Variants in RETREG1 observed in about 807,000 individuals in gnomAD.
RETREG1 encodes the protein reticulophagy regulator 1.
RETREG1 carries 44 observed loss-of-function variants against 54.8 expected under a neutral mutation model. The ratio of observed to expected loss-of-function variants is 0.80; its 90% CI spans 0.63 to 1.03. The LOEUF (loss-of-function observed/expected upper bound fraction) is 1.03. RETREG1 is among the 50% of genes least tolerant of loss of function. RETREG1 has a pLI of 0.00. For missense variants in RETREG1, 554 were observed against 605.1 expected (o/e 0.92, Z 0.89); for synonymous variants, 217 against 238.5 (o/e 0.91, Z 0.83).
At chr5:16,565,715 C>T (rs1230112678) in intron 3 of RETREG1, 48 bp downstream of exon 3, 1 of 1,594,590 alleles carries the variant, frequency 6.3e-7, no homozygotes, top group South Asian at 1.1e-5. Flanking sequence ...TCAGTCCCCT[C>T]CCTCACCCTC....
chr5:16,489,082 C>CAAA lies in RETREG1; in HGVS notation c.459-5613_459-5611dup, dbSNP rs567475517. On this transcript the variant is annotated intron_variant, in intron 3 of 8. Transcript: ENST00000306320. ...TGGGCAACAGAGCGAGATTCTGTCT[C>CAAA]AAAAAAAAAAAAAAAAAAAAAAAAA... Among the ~76,000 whole-genome samples, 40 of 62,972 alleles carry CAAA rather than the reference C, an allele frequency of 6.4e-4. 3 individuals carry two copies. The highest frequency in any genetic ancestry group is 9.3e-4 in the Non-Finnish European group (33 of 35,304). The allele number at this position is 62,972 out of a possible 152,430, so 41.3% of individuals were successfully genotyped here.
At position 16,561,444 on chromosome 5, in the gene RETREG1, C is replaced by T. The variant is rs886427310; in HGVS notation, c.458+4319G>A. ...CCTGGGAGGTGGAGCTTGCAGAGAG[C>T]CAAGATCGCTCTACCACACTCCAGC... On this transcript the variant is annotated intron_variant, in intron 3 of 8. Transcript: ENST00000306320. The surrounding 1 kb of genome is among the most constrained non-coding windows in gnomAD (Gnocchi z 4.2). 6.6e-6 allele frequency among the ~76,000 whole-genome samples: 1 copy of T among 151,914 alleles called. No homozygotes were observed. Among genetic ancestry groups the T allele is most frequent in the African/African-American group, 2.4e-5 (1 of 41,338 alleles).
chr5:16,522,126 T>C (rs957076240), intron 3 of RETREG1, among the ~76,000 whole-genome samples: 23 of 152,064 alleles, frequency 1.5e-4, no homozygotes, highest in Non-Finnish European at 7.4e-5. Context: ...ACCACCACCC[T>C]GTGGTATCTA....
intron 1 of RETREG1, among the ~76,000 whole-genome samples, chr5:16,612,041 GGA>G (rs368894313): frequency 1.3e-5 from 2 of 149,172 alleles, no homozygotes; most frequent in African/African-American, 2.5e-5. Flanking sequence ...CTCCAGTCTG[GGA>G]GAGAGAGAGA....
At chr5:16,573,748 T>G (rs2126928) in intron 1 of RETREG1, among the ~76,000 whole-genome samples, 52,383 of 139,618 alleles carry the variant, frequency 0.38, 10,287 homozygotes, top group South Asian at 0.47. Context: ...TTTTGTTTTT[T>G]TTTTTTTTTT....
chr5:16,513,565 C>T (rs1040981379), intron 3 of RETREG1, among the ~76,000 whole-genome samples: 5 of 152,152 alleles, frequency 3.3e-5, no homozygotes, highest in Non-Finnish European at 7.4e-5. Flanking sequence ...TCCGATGGAC[C>T]GGCTCTTTTT....
intron 1 of RETREG1, among the ~76,000 whole-genome samples, chr5:16,615,689 T>C (rs1161691646): frequency 6.6e-6 from 1 of 152,178 alleles, no homozygotes; most frequent in African/African-American, 2.4e-5. Context: ...CTAGCAGAGA[T>C]CTGAGGAAAA....
chr5:16,512,901 G>C (rs776042727), intron 3 of RETREG1, among the ~76,000 whole-genome samples: 26 of 152,206 alleles, frequency 1.7e-4, no homozygotes, highest in Non-Finnish European at 2.1e-4. Flanking sequence ...ATTCAAAGTA[G>C]ACCTCTAGTG....
intron 3 of RETREG1, among the ~76,000 whole-genome samples, chr5:16,552,798 G>A (rs1991468): frequency 0.83 from 126,180 of 152,200 alleles, 52,303 homozygotes; most frequent in Middle Eastern, 0.87. Context: ...CTAGAACAAC[G>A]TTAATGCTTT....
intron 3 of RETREG1, among the ~76,000 whole-genome samples, chr5:16,511,300 C>T (rs1159743646): frequency 8.5e-5 from 13 of 152,124 alleles, no homozygotes; most frequent in Admixed American, 3.3e-4. Context: ...GTCAGCCCCA[C>T]GATCAAGAGG....
At chr5:16,607,037 C>T (rs895860849) in intron 1 of RETREG1, among the ~76,000 whole-genome samples, 12 of 152,126 alleles carry the variant, frequency 7.9e-5, no homozygotes, top group African/African-American at 2.4e-5. Flanking sequence ...TCCAGAGTTA[C>T]CTGCTTGGAT....
intron 3 of RETREG1, chr5:16,508,828 T>A (rs1740070866): frequency 1.4e-6 from 2 of 1,434,302 alleles, no homozygotes; most frequent in South Asian, 3.0e-5. Flanking sequence ...CTCCCTTGAA[T>A]GAAGCTAGGA....
intron 3 of RETREG1, among the ~76,000 whole-genome samples, chr5:16,506,655 G>A (rs1262351777): frequency 4.0e-5 from 6 of 151,790 alleles, no homozygotes; most frequent in South Asian, 4.2e-4. Context: ...CAAAGTGCTG[G>A]GATTACAGGT....
intron 3 of RETREG1, among the ~76,000 whole-genome samples, chr5:16,557,735 G>A (rs1156983697): frequency 1.3e-5 from 2 of 152,146 alleles, no homozygotes; most frequent in African/African-American, 4.8e-5. Context: ...GGCTCGCCTA[G>A]GCCTCTTCAG....
At chr5:16,498,484 G>A (rs1046993728) in intron 3 of RETREG1, among the ~76,000 whole-genome samples, 2 of 152,206 alleles carry the variant, frequency 1.3e-5, no homozygotes, top group African/African-American at 2.4e-5. Flanking sequence ...AAGTCGAGGC[G>A]GATGGATTGT....
intron 3 of RETREG1, among the ~76,000 whole-genome samples, chr5:16,546,599 G>A (rs1203111283): frequency 6.6e-6 from 1 of 152,192 alleles, no homozygotes; most frequent in Non-Finnish European, 1.5e-5. Context: ...TTAGAAAACA[G>A]GAATAAAATA....
intron 3 of RETREG1, among the ~76,000 whole-genome samples, chr5:16,553,667 C>G (rs1412728069): frequency 1.3e-5 from 2 of 151,964 alleles, no homozygotes; most frequent in East Asian, 1.9e-4. Context: ...ACTTCAGGAC[C>G]ATGCTTGCTT....
chr5:16,527,733 A>G (rs1740757520), intron 3 of RETREG1, among the ~76,000 whole-genome samples: 1 of 149,010 alleles, frequency 6.7e-6, no homozygotes, highest in Non-Finnish European at 1.5e-5. Context: ...TAATATAGTA[A>G]GTGGTTGTGT....
intron 3 of RETREG1, among the ~76,000 whole-genome samples, chr5:16,503,687 GAAAGA>G (rs1300940008): frequency 2.1e-5 from 3 of 140,770 alleles, no homozygotes; most frequent in Non-Finnish European, 4.7e-5. Context: ...AAGAAAGAAA[GAAAGA>G]AAAGAAAACT....
Sources: allele counts gnomAD v4.1 joint callset (sites outside exome capture counted in the v4.1 genomes callset), GRCh38; gene constraint gnomAD v4.1.1; non-coding constraint Gnocchi (gnomAD v3.1); transcripts MANE v1.5; gene names NCBI Gene and HGNC (gene_info 2026-07-23, HGNC 2026-07-21).